ZNF251: variants seen among roughly 807,000 people sequenced by gnomAD.
ZNF251 encodes zinc finger protein 251.
In ZNF251, 14 loss-of-function variants were observed where a neutral mutation model predicts 13.5. That is an observed-to-expected ratio of 1.04 (90% CI 0.69 to 1.63). The LOEUF is 1.63. Ranked by LOEUF, ZNF251 falls within the 40% of genes most tolerant of loss-of-function variation. The pLI, the probability that ZNF251 is intolerant of heterozygous loss-of-function variation, is 0.00. For missense variants in ZNF251, 764 were observed against 834.9 expected, an observed-to-expected ratio of 0.92 and a Z score of 1.05; for synonymous variants, 287 against 295.2, an observed-to-expected ratio of 0.97 and a Z score of 0.28.
chr8:144,730,676 G>A (rs2129952261), intron 4 of ZNF251, among the ~76,000 whole-genome samples: 1 of 152,370 alleles, frequency 6.6e-6, no homozygotes, highest in Middle Eastern at 3.4e-3. Context: ...TCCACATGGA[G>A]GCACTGCCAG....
In ZNF251 at chr8:144,722,858, C is replaced by G; in HGVS notation, c.802G>C (p.Asp268His). Residue 268 changes from aspartate (D) to histidine (H), a missense_variant, in exon 5 of 5, where the codon GAT becomes CAT. Physicochemically the swap from Asp to His is moderately conservative, Grantham distance 81. Transcript: ENST00000292562. The surrounding 1 kb of genome is among the most constrained non-coding windows in gnomAD (Gnocchi z 4.8). Reference sequence around the variant, plus strand: ...AGTCCAAAAGTTTTCCCACATTCATCACATTTAAATGGTTTATTTCCAGTG... The same window carrying G: ...AGTCCAAAAGTTTTCCCACATTCATGACATTTAAATGGTTTATTTCCAGTG... ...IHTGNKPFKC[D>H]ECGKTFGLNS... The G allele has an allele frequency of 1.9e-6, 3 of 1,614,004 alleles. No homozygotes were observed. Among genetic ancestry groups the G allele is most frequent in the Non-Finnish European group, 2.5e-6 (3 of 1,179,898 alleles).
chr8:144,740,221 G>A (rs958241327), intron 4 of ZNF251, among the ~76,000 whole-genome samples: 2 of 152,148 alleles, frequency 1.3e-5, no homozygotes, highest in African/African-American at 2.4e-5. Flanking sequence ...GGAGGTGGAG[G>A]TTGCTGTGAG....
rs558675945 is a variant in ZNF251, at chr8:144,723,244, C to T, written c.416G>A (p.Arg139His). The change falls in exon 5 of 5, where the codon CGT becomes CAT. Residue 139 changes from arginine to histidine, a missense_variant. Transcript: ENST00000292562. ...QAAEFREAWG[R>H]EGKLKERVGN... ...CACGCGCTCTTTGAGTTTGCCCTCA[C>T]GGCCCCATGCTTCCCGAAACTCAGC... 2.5e-5 allele frequency: 41 copies of T among 1,613,262 alleles called. No homozygotes were observed. Among genetic ancestry groups the T allele is most frequent in the African/African-American group, 6.7e-5 (5 of 74,870 alleles).
In ZNF251 at chr8:144,754,293, G is replaced by A. The variant is rs780458671; in HGVS notation, c.62C>T (p.Ala21Val). ...CCCCTCCGCCTGAGAGAAGTACACG[G>A]CCACATCCTGGAAGGTCAGCGGCAT... is the stretch of plus-strand genomic sequence containing the variant. The part of the protein sequence containing the change: ...QEMPLTFQDV[A>V]VYFSQAEGRQ... The change falls in exon 3 of 5, where the codon GCC becomes GTC. Residue 21 changes from alanine to valine, a missense_variant. Physicochemically the swap from Ala to Val is moderately conservative, Grantham distance 64. Coordinates refer to ENST00000292562, the MANE Select transcript of ZNF251 (RefSeq NM_138367.2). 1 of 1,612,294 alleles carries A rather than the reference G, an allele frequency of 6.2e-7. No homozygotes were observed. Among genetic ancestry groups the A allele is most frequent in the Non-Finnish European group, 8.5e-7 (1 of 1,179,186 alleles).
intron 4 of ZNF251, among the ~76,000 whole-genome samples, chr8:144,727,378 C>T (rs1328468633): frequency 6.6e-6 from 1 of 152,200 alleles, no homozygotes; most frequent in Non-Finnish European, 1.5e-5. Flanking sequence ...TAGATGGCAT[C>T]TTCTTGCAAT....
chr8:144,731,933 T>C (rs1207614894), intron 4 of ZNF251, among the ~76,000 whole-genome samples: 2 of 147,396 alleles, frequency 1.4e-5, no homozygotes, highest in African/African-American at 2.6e-5. Context: ...ATAAAGGACA[T>C]GTCCTGACAG....
At chr8:144,731,767 C>T (rs1823701855) in intron 4 of ZNF251, among the ~76,000 whole-genome samples, 1 of 148,662 alleles carries the variant, frequency 6.7e-6, no homozygotes, top group South Asian at 2.1e-4. Context: ...TTTGTATTTT[C>T]AGTAGAGACA....
rs547414001 is a variant in ZNF251, at chr8:144,720,998, A to G, written c.*646T>C. ...TTTTTTATCAGTAATTACAATTTTC[A>G]AAAGTGGAGATACTTGGTAGGCCCC... is the stretch of plus-strand genomic sequence containing the variant. On this transcript the variant is annotated 3_prime_UTR_variant, in exon 5 of 5. Transcript: ENST00000292562. 2.0e-5 allele frequency: 3 copies of G among 152,532 alleles called. No homozygotes were observed. Among genetic ancestry groups the G allele is most frequent in the East Asian group, 3.8e-4 (2 of 5,196 alleles). 9.4% of individuals were successfully genotyped at this position (152,532 alleles called of 1,614,324 possible). A position where few individuals can be genotyped will look rare whatever the true frequency, so the allele number is the denominator to read the frequency against.
chr8:144,748,451 T>G (rs1471684453), intron 4 of ZNF251, among the ~76,000 whole-genome samples: 1 of 152,226 alleles, frequency 6.6e-6, no homozygotes, highest in African/African-American at 2.4e-5. Flanking sequence ...TAGTAAGATA[T>G]TTCCGCTTTC....
rs777376481 is a variant in ZNF251 at position 144,722,264 on chromosome 8, A to G, written c.1396T>C (p.Cys466Arg). The G allele has an allele frequency of 6.2e-7, 1 of 1,613,846 alleles. No homozygotes were observed. The change falls in exon 5 of 5, where the codon TGT becomes CGT. Residue 466 changes from cysteine (C) to arginine (R), a missense_variant. Cys to Arg is a radical substitution (Grantham distance 180). Transcript: ENST00000292562. The surrounding 1 kb of genome is among the most constrained non-coding windows in gnomAD (Gnocchi z 4.8). ...GAGCTCTGGCTGAAAGCTTTCCCACATTCAACGCACTGGTAGGGCTTCTCC... is the reference window on the plus strand; with the variant it reads ...GAGCTCTGGCTGAAAGCTTTCCCACGTTCAACGCACTGGTAGGGCTTCTCC... Reference protein sequence around the residue: ...TGEKPYQCVECGKAFSQSSQL... With the variant: ...TGEKPYQCVERGKAFSQSSQL...
chr8:144,754,465 A>C, intron 2 of ZNF251, 144 bp from the exon 3 acceptor site: 3 of 1,445,080 alleles, frequency 2.1e-6, no homozygotes, highest in East Asian at 2.5e-5. Flanking sequence ...CTGATGGGGC[A>C]GCTGAGAGCG....
At chr8:144,753,125 A>C (rs1360946571) in intron 4 of ZNF251, among the ~76,000 whole-genome samples, 1 of 151,832 alleles carries the variant, frequency 6.6e-6, no homozygotes, top group African/African-American at 2.4e-5. Flanking sequence ...TAAAAAAAAA[A>C]CTAGCCAGGT....
chr8:144,736,967 AAT>A (rs1491335280), intron 4 of ZNF251, among the ~76,000 whole-genome samples: 4 of 149,320 alleles, frequency 2.7e-5, no homozygotes, highest in African/African-American at 9.9e-5. Context: ...CATGCCTGCT[AAT>A]TTTTTTGTAT....
At chr8:144,725,789 G>T (rs1823500817) in intron 4 of ZNF251, among the ~76,000 whole-genome samples, 1 of 152,162 alleles carries the variant, frequency 6.6e-6, no homozygotes, top group African/African-American at 2.4e-5. Flanking sequence ...AAAACTGAAG[G>T]CTGATCTCAT....
intron 4 of ZNF251, among the ~76,000 whole-genome samples, chr8:144,736,622 G>C (rs1823906926): frequency 6.6e-6 from 1 of 151,956 alleles, no homozygotes. Flanking sequence ...CTCCCAAGTA[G>C]CTGGGATTAC....
intron 4 of ZNF251, chr8:144,753,329 AGGAGAGAAT>A (rs1824788455): frequency 6.0e-6 from 1 of 167,074 alleles, no homozygotes; most frequent in Admixed American, 6.4e-5. Context: ...TGGCAAATGA[AGGAGAGAAT>A]GGAGTGAAGA....
intron 4 of ZNF251, among the ~76,000 whole-genome samples, chr8:144,735,089 A>G (rs1356318731): frequency 1.3e-5 from 2 of 149,464 alleles, no homozygotes; most frequent in East Asian, 2.0e-4. Context: ...ATAAAAAAAA[A>G]AGAGATTTTA....
chr8:144,738,439 A>T, intron 4 of ZNF251: 1 of 493,846 alleles, frequency 2.0e-6, no homozygotes, highest in Non-Finnish European at 2.6e-6. Context: ...CCCACCCAGC[A>T]CAGGCAGGTG....
chr8:144,751,347 A>G (rs1050997444), intron 4 of ZNF251, among the ~76,000 whole-genome samples: 4 of 152,198 alleles, frequency 2.6e-5, no homozygotes, highest in Admixed American at 6.5e-5. Context: ...TATAAACTAT[A>G]TAACTGTTTA....
Sources: gnomAD v4.1 joint callset for allele counts (sites outside exome capture counted in the v4.1 genomes callset) on GRCh38, gnomAD v4.1.1 for gene constraint, Gnocchi (gnomAD v3.1) non-coding constraint, MANE v1.5 for transcripts, NCBI Gene and HGNC (gene_info 2026-07-23, HGNC 2026-07-21) for gene names.